The following WDR11 variants were observed in gnomAD, a reference collection of about 807,000 sequenced individuals.
WDR11 encodes the protein WD repeat-containing protein 11.
In WDR11, 83 loss-of-function variants were observed where a neutral mutation model predicts 151.2. That is an observed-to-expected ratio of 0.55 (90% CI 0.46 to 0.66). The LOEUF (loss-of-function observed/expected upper bound fraction) is 0.66. Ranked by LOEUF, WDR11 falls within the 30% of genes least tolerant of loss-of-function variation. The pLI is 0.00. For missense variants in WDR11, 1,301 were observed against 1,480.9 expected (o/e 0.88, Z 1.99); for synonymous variants, 484 against 533.1 (o/e 0.91, Z 1.27).
chr10:120,856,570 G>A, intron 2 of WDR11, among the ~76,000 whole-genome samples: 1 of 83,746 alleles, frequency 1.2e-5, no homozygotes, highest in Non-Finnish European at 2.2e-5. Flanking sequence ...ATAAGACTCT[G>A]TCTCCAAAAA....
rs10788128 is a variant in WDR11, at chr10:120,908,332, G to A, written c.3518-224G>A. 0.36 allele frequency: 197,969 copies of A among 556,556 alleles called. 36,066 individuals are homozygous for A. Among genetic ancestry groups the A allele is most frequent in the Admixed American group, 0.47 (15,782 of 33,788 alleles). The allele number at this position is 556,556 out of a possible 1,614,324, so 34.5% of individuals were successfully genotyped here. A position where few individuals can be genotyped will look rare whatever the true frequency, so the allele number is the denominator to read the frequency against. On this transcript the variant is annotated intron_variant, in intron 28 of 28. Transcript: ENST00000263461. ...GAGAAGCTTTGGACTCAGCTGGTACGAAAGGTAATGATGGTACAGACTGAG... is the reference window on the plus strand; with the variant it reads ...GAGAAGCTTTGGACTCAGCTGGTACAAAAGGTAATGATGGTACAGACTGAG...
chr10:120,881,848 G>A lies in WDR11; in HGVS notation c.1739+947G>A, dbSNP rs114268607. ...TTTTCGATCTATAGGCCTTCTTTTT[G>A]CTTGCACTAATTAGGACCTCCTGTA... On this transcript the variant is annotated intron_variant, in intron 13 of 28. Transcript: ENST00000263461. 2.5e-3 allele frequency among the ~76,000 whole-genome samples: 383 copies of A among 151,788 alleles called. 1 individual carries two copies. The highest frequency in any genetic ancestry group is 8.8e-3 in the African/African-American group (366 of 41,424).
chr10:120,869,775 T>C (rs924981316), intron 9 of WDR11, among the ~76,000 whole-genome samples: 3 of 149,042 alleles, frequency 2.0e-5, no homozygotes, highest in Admixed American at 1.4e-4. Flanking sequence ...CATTCCTTCA[T>C]ATTTCATCTT....
intron 28 of WDR11, chr10:120,908,297 C>G (rs1304839679): frequency 4.3e-6 from 2 of 465,388 alleles, no homozygotes; most frequent in Non-Finnish European, 7.8e-6. Flanking sequence ...TTGGTTGGGT[C>G]TTCTGGAAGG....
chr10:120,885,823 C>A lies in WDR11; in HGVS notation c.1858C>A (p.Pro620Thr). ...FPTITALEWSPSHNLKSLRKK... is the reference protein window; with the variant it reads ...FPTITALEWSTSHNLKSLRKK... ...TGCATTTGCTTTACAGGAGTGGTCA[C>A]CATCTCACAACTTGAAGAGCCTGAG... Residue 620 changes from proline (P) to threonine (T), a missense_variant, in exon 15 of 29, where the codon CCA (proline) becomes ACA (threonine). Around this residue, in one of 3 missense-constraint regions of WDR11, gnomAD observed 692 missense variants for 762.5 expected, o/e 0.91. Transcript: ENST00000263461. 6.2e-7 allele frequency: 1 copy of A among 1,613,694 alleles called. No individual in the cohort carries two copies.
chr10:120,874,927 C>T (rs978712861), intron 11 of WDR11, among the ~76,000 whole-genome samples: 2 of 152,048 alleles, frequency 1.3e-5, no homozygotes, highest in African/African-American at 2.4e-5. Flanking sequence ...TTAAGCCCCA[C>T]ATGCATTAGG....
rs149157612 is a variant in WDR11, at chr10:120,903,846, T to C, written c.2932-201T>C. On this transcript the variant is annotated intron_variant, in intron 23 of 28. Coordinates refer to ENST00000263461, the MANE Select transcript of WDR11 (RefSeq NM_018117.12). ...GTGTCAGTTTCTGTAGGCAGGCAGGTATGCATCCAAGTGATAATATCTATC... is the reference window on the plus strand; with the variant it reads ...GTGTCAGTTTCTGTAGGCAGGCAGGCATGCATCCAAGTGATAATATCTATC... 3.3e-3 allele frequency among the ~76,000 whole-genome samples: 499 copies of C among 152,288 alleles called. 3 individuals are homozygous for C. Among genetic ancestry groups the C allele is most frequent in the African/African-American group, 0.011 (476 of 41,568 alleles).
At position 120,908,556 on chromosome 10, in the gene WDR11, A is replaced by C. The variant is rs1166691943; in HGVS notation, c.3518A>C (p.Glu1173Ala). ...CTTCTTTTCCTTAACTATGGTTTAC[A>C]GAAACTCATCACTGCTATATATGCA... ...YGAFEVTEDT[E>A]KLITAIYADY... The change falls in exon 29 of 29, where the codon GAG becomes GCG. Residue 1173 changes from glutamate (E) to alanine (A), a missense_variant and splice_region_variant. Glu to Ala is a moderately radical substitution (Grantham distance 107, BLOSUM62 -1). Coordinates refer to ENST00000263461, the MANE Select transcript of WDR11 (RefSeq NM_018117.12). The C allele has an allele frequency of 1.2e-6, 2 of 1,614,206 alleles. No homozygotes were observed. The highest frequency in any genetic ancestry group is 1.3e-5 in the African/African-American group (1 of 75,058).
At chr10:120,887,380 C>T (rs1251447756) in intron 16 of WDR11, among the ~76,000 whole-genome samples, 1 of 152,134 alleles carries the variant, frequency 6.6e-6, no homozygotes, top group Admixed American at 6.5e-5. Context: ...GCATGCATCT[C>T]ATAGATAGTT....
Position 120,901,033 on chromosome 10 carries a change from C to G in WDR11, c.2625-3C>G. On this transcript the variant is annotated splice_region_variant and splice_polypyrimidine_tract_variant and intron_variant, in intron 20 of 28. Transcript: ENST00000263461. ...GAACTCATTCAAAATTTTTTCTTTACAGTGACTATCCAGAAAATGAAGAAA... is the reference window on the plus strand; with the variant it reads ...GAACTCATTCAAAATTTTTTCTTTAGAGTGACTATCCAGAAAATGAAGAAA... 4.4e-6 allele frequency: 7 copies of G among 1,609,136 alleles called. No individual in the cohort carries two copies. Among genetic ancestry groups the G allele is most frequent in the Non-Finnish European group, 6.0e-6 (7 of 1,175,736 alleles).
chr10:120,885,289 A>G (rs569911453), intron 14 of WDR11, among the ~76,000 whole-genome samples: 14 of 92,282 alleles, frequency 1.5e-4, no homozygotes, highest in South Asian at 6.9e-4. Context: ...ATATATATAC[A>G]CACACACACA....
At chr10:120,870,801 G>A (rs1053843291) in intron 9 of WDR11, among the ~76,000 whole-genome samples, 9 of 152,168 alleles carry the variant, frequency 5.9e-5, no homozygotes, top group Non-Finnish European at 1.3e-4. Context: ...TGAGAAAAAT[G>A]TGGTACAGTA....
intron 12 of WDR11, 200 bp from the exon 13 acceptor site, chr10:120,880,626 T>C (rs933167013): frequency 3.8e-6 from 2 of 525,620 alleles, no homozygotes; most frequent in Admixed American, 6.4e-5. Flanking sequence ...GCCATTGCAC[T>C]CCAGCCTGGG....
In WDR11 at chr10:120,901,084, G is replaced by A; in HGVS notation, c.2673G>A (p.Leu891=). 2 of 1,612,544 alleles carry A rather than the reference G, an allele frequency of 1.2e-6. No homozygotes were observed. Among genetic ancestry groups the A allele is most frequent in the Non-Finnish European group, 1.7e-6 (2 of 1,178,734 alleles). Residue 891 remains leucine, a synonymous_variant, in exon 21 of 29, where the codon TTG becomes TTA. Coordinates refer to ENST00000263461, the MANE Select transcript of WDR11 (RefSeq NM_018117.12). ...EEIKNLLQEQ[L]NSLSNDIKKL... is the part of the protein sequence containing the mutation. ...TAAAGAATCTCCTCCAAGAACAGTTGAATTCATTGTCTAAGTAAGCACTCC... is the reference window on the plus strand; with the variant it reads ...TAAAGAATCTCCTCCAAGAACAGTTAAATTCATTGTCTAAGTAAGCACTCC...
chr10:120,905,683 AT>A lies in WDR11; in HGVS notation c.3292-192del, dbSNP rs1848010654. The stretch of plus-strand genomic sequence containing the variant: ...TGAGCCGAAACTACAGTCCAGAGGT[AT>A]AGCCAGGCCCTGGGTCCCGTAGGCA... On this transcript the variant is annotated intron_variant, in intron 26 of 28. Transcript: ENST00000263461. 11 of 1,026,412 alleles carry A rather than the reference AT, an allele frequency of 1.1e-5. No individual in the cohort carries two copies. In the South Asian group the frequency reaches 1.5e-4, roughly 14 times the overall value. The allele number at this position is 1,026,412 out of a possible 1,614,324, so 63.6% of individuals were successfully genotyped here. A position where few individuals can be genotyped will look rare whatever the true frequency, so the allele number is the denominator to read the frequency against.
intron 27 of WDR11, chr10:120,906,494 T>C: frequency 7.6e-7 from 1 of 1,311,544 alleles, no homozygotes; most frequent in East Asian, 3.5e-5. Context: ...TTGTCAACTC[T>C]GGACAGGGGT....
intron 11 of WDR11, among the ~76,000 whole-genome samples, chr10:120,874,193 GTTGTTGTTGTTGTTGTTTGTT>G (rs1564703233): frequency 8.0e-5 from 6 of 75,332 alleles, no homozygotes; most frequent in Non-Finnish European, 1.4e-4. Context: ...TTTTTTTTTT[GTTGTTGTTGTTGTTGTTTGTT>G]TTGTTTTGTT....
At chr10:120,851,658 T>A in intron 1 of WDR11, 152 bp downstream of exon 1, 1 of 906,546 alleles carries the variant, frequency 1.1e-6, no homozygotes, top group South Asian at 1.5e-5. Context: ...GTTGGTGGAT[T>A]TTTGTTGTTA....
intron 2 of WDR11, among the ~76,000 whole-genome samples, chr10:120,853,714 C>A (rs189670637): frequency 6.6e-6 from 1 of 152,208 alleles, no homozygotes; most frequent in East Asian, 1.9e-4. Flanking sequence ...GTGGGAAATT[C>A]TAAGGGCCTA....
Sources: gnomAD v4.1 joint callset for allele counts (sites outside exome capture counted in the v4.1 genomes callset) on GRCh38, gnomAD v4.1.1 for gene constraint, gnomAD v4.1.1 regional missense constraint, MANE v1.5 for transcripts, NCBI Gene and HGNC (gene_info 2026-07-23, HGNC 2026-07-21) for gene names.